Variants in MMP26 observed in about 807,000 individuals in gnomAD.
The protein encoded by MMP26 is matrix metalloproteinase-26.
MMP26 carries 33 observed loss-of-function variants against 31.0 expected under a neutral mutation model. That is an observed-to-expected ratio of 1.06 (90% CI 0.81 to 1.42). The LOEUF (loss-of-function observed/expected upper bound fraction) is 1.42. Ranked by LOEUF, MMP26 falls within the 40% of genes most tolerant of loss-of-function variation. The pLI is 0.00. For missense variants in MMP26, 347 were observed against 316.1 expected (o/e 1.10, Z -0.74); for synonymous variants, 122 against 114.9 (o/e 1.06, Z -0.40).
chr11:4,882,155 G>GT (rs1250843108), intron 2 of MMP26: 1 of 1,613,930 alleles, frequency 6.2e-7, no homozygotes, highest in Non-Finnish European at 8.5e-7. Flanking sequence ...TGTGCTTGGT[G>GT]TTCTCTGGTT....
intron 2 of MMP26, among the ~76,000 whole-genome samples, chr11:4,792,609 C>A (rs917229026): frequency 3.9e-5 from 6 of 152,128 alleles, no homozygotes; most frequent in Non-Finnish European, 5.9e-5. Flanking sequence ...CAGTAGAATG[C>A]ACTACTTATC....
chr11:4,783,565 G>C, intron 2 of MMP26, among the ~76,000 whole-genome samples: 1 of 152,168 alleles, frequency 6.6e-6, no homozygotes, highest in East Asian at 1.9e-4. Flanking sequence ...CTAAGACTCT[G>C]TGGGACTGTT....
intron 6 of MMP26, 74 bp from the exon 7 acceptor site, chr11:4,991,890 T>G (rs1847009300): frequency 1.5e-6 from 2 of 1,323,750 alleles, no homozygotes. Flanking sequence ...CCTTTTTCTT[T>G]GTCCTATTTC....
intron 2 of MMP26, among the ~76,000 whole-genome samples, chr11:4,910,524 A>G (rs1196988175): frequency 6.6e-6 from 1 of 152,128 alleles, no homozygotes. Context: ...TTATTTCTTT[A>G]GCAGGACATT....
chr11:4,862,866 C>T (rs1850182270), intron 2 of MMP26, among the ~76,000 whole-genome samples: 1 of 152,106 alleles, frequency 6.6e-6, no homozygotes, highest in Non-Finnish European at 1.5e-5. Flanking sequence ...CCCCTCCCTC[C>T]CAGAAATGAC....
At chr11:4,973,997 C>T (rs1018256042) in intron 2 of MMP26, 4 of 151,894 alleles carry the variant, frequency 2.6e-5, no homozygotes, top group African/African-American at 7.3e-5. Flanking sequence ...GGTCTTACAA[C>T]ACCAGGTATA....
rs137917498 is a variant in MMP26, at chr11:4,762,095, C to T, written c.-216-5175C>T. ...GGTACATTATATTATTTAATCTTAG[C>T]TGTTCAAGCTAAAGCAAACCAATAT... On this transcript the variant is annotated intron_variant, in intron 1 of 7. Transcript: ENST00000380390. Among the ~76,000 whole-genome samples the T allele has an allele frequency of 1.8e-3, 277 of 152,240 alleles. 3 individuals carry two copies. Among genetic ancestry groups the T allele is most frequent in the African/African-American group, 6.1e-3 (253 of 41,550 alleles).
chr11:4,713,362 G>C (rs906978983), intron 1 of MMP26, among the ~76,000 whole-genome samples: 1 of 152,008 alleles, frequency 6.6e-6, no homozygotes, highest in African/African-American at 2.4e-5. Context: ...CCCCACACTG[G>C]CACCCAGGGT....
chr11:4,915,549 T>C (rs1358118905), intron 2 of MMP26: 2 of 1,614,028 alleles, frequency 1.2e-6, no homozygotes, highest in African/African-American at 1.3e-5. Flanking sequence ...ACCAGATACA[T>C]GAAGCACAGT....
chr11:4,919,124 A>C (rs575590133), intron 2 of MMP26: 1 of 152,216 alleles, frequency 6.6e-6, no homozygotes, highest in Non-Finnish European at 1.5e-5. Flanking sequence ...AGCTGGTGCT[A>C]AGATCAGACC....
At chr11:4,986,676 G>A (rs1846894602) in intron 2 of MMP26, among the ~76,000 whole-genome samples, 1 of 151,384 alleles carries the variant, frequency 6.6e-6, no homozygotes, top group Non-Finnish European at 1.5e-5. Context: ...GATTACAGGG[G>A]CCTGTCACCA....
intron 2 of MMP26, among the ~76,000 whole-genome samples, chr11:4,843,875 A>T (rs1213738670): frequency 6.6e-6 from 1 of 152,204 alleles, no homozygotes; most frequent in Non-Finnish European, 1.5e-5. Flanking sequence ...CTCTTTGTTC[A>T]TGCATATGGG....
chr11:4,803,420 A>C (rs1230544358), intron 2 of MMP26: 1 of 1,549,642 alleles, frequency 6.5e-7, no homozygotes, highest in Non-Finnish European at 8.8e-7. Context: ...ATGGGGATAC[A>C]CTGACCCTTT....
intron 2 of MMP26, among the ~76,000 whole-genome samples, chr11:4,871,083 G>T (rs1037604429): frequency 2.6e-5 from 4 of 152,028 alleles, no homozygotes; most frequent in Non-Finnish European, 5.9e-5. Flanking sequence ...AACCAACAAA[G>T]GAAAATAATT....
chr11:4,965,656 C>T (rs992791618), intron 2 of MMP26, among the ~76,000 whole-genome samples: 5 of 152,136 alleles, frequency 3.3e-5, no homozygotes, highest in African/African-American at 9.7e-5. Context: ...AGAGCACACC[C>T]TTCTGGGTTA....
intron 2 of MMP26, among the ~76,000 whole-genome samples, chr11:4,874,598 C>A (rs1850355493): frequency 7.5e-6 from 1 of 134,160 alleles, no homozygotes; most frequent in South Asian, 2.4e-4. Flanking sequence ...GCATTCTTAA[C>A]TGGGAGACCC....
At position 4,893,477 on chromosome 11, in the gene MMP26, G is replaced by A. The variant is rs117577815; in HGVS notation, c.-144-94591G>A. On this transcript the variant is annotated intron_variant, in intron 2 of 7. Transcript: ENST00000380390. The stretch of plus-strand genomic sequence containing the variant: ...ATACTGCTTTCTTCTCAGCTCAAAT[G>A]CCCTTTCCACAAATGTTTGGGTCAC... Among the ~76,000 whole-genome samples, 1,320 of 152,130 alleles carry A rather than the reference G, an allele frequency of 8.7e-3. 53 individuals are homozygous for A. The highest frequency in any genetic ancestry group is 0.075 in the Admixed American group (1,144 of 15,268).
chr11:4,834,332 C>T (rs964245919), intron 2 of MMP26, among the ~76,000 whole-genome samples: 2 of 152,110 alleles, frequency 1.3e-5, no homozygotes, highest in Non-Finnish European at 2.9e-5. Flanking sequence ...AACTTTAATA[C>T]CTGAGCCTCC....
chr11:4,957,458 T>C (rs1226275304), intron 2 of MMP26, among the ~76,000 whole-genome samples: 1 of 152,230 alleles, frequency 6.6e-6, no homozygotes, highest in Non-Finnish European at 1.5e-5. Flanking sequence ...CTTTGTCCTC[T>C]TGTAATTGGG....
Sources: gnomAD v4.1 joint callset for allele counts (sites outside exome capture counted in the v4.1 genomes callset) on GRCh38, gnomAD v4.1.1 for gene constraint, MANE v1.5 for transcripts, NCBI Gene and HGNC (gene_info 2026-07-23, HGNC 2026-07-21) for gene names.